Variants in TRIM16 observed in about 807,000 individuals in gnomAD.
TRIM16 encodes tripartite motif-containing protein 16.
TRIM16 carries 33 observed loss-of-function variants against 50.4 expected under a neutral mutation model. The ratio of observed to expected loss-of-function variants is 0.65; its 90% CI spans 0.50 to 0.88. TRIM16 has a LOEUF of 0.88. Ranked by LOEUF, TRIM16 falls within the 40% of genes least tolerant of loss-of-function variation. TRIM16 has a pLI of 0.00. For synonymous variants in TRIM16, 229 were observed against 270.7 expected (o/e 0.85, Z 1.51); for missense variants, 581 against 686.8 (o/e 0.85, Z 1.72).
intron 6 of TRIM16, among the ~76,000 whole-genome samples, chr17:15,663,570 T>C (rs1482194802): frequency 6.6e-6 from 1 of 152,208 alleles, no homozygotes; most frequent in Non-Finnish European, 1.5e-5. Context: ...CCAGTGACAC[T>C]GTTGAGCTGT....
rs1000752738 is a variant in TRIM16 at position 15,639,649 on chromosome 17, G to C, written c.615+3072C>G. Among the ~76,000 whole-genome samples the C allele has an allele frequency of 2.7e-4, 41 of 149,636 alleles. 1 individual carries two copies. The highest frequency in any genetic ancestry group is 9.9e-4 in the African/African-American group (40 of 40,464). ...GCCCTCACCCTTGGGAGGAGGAATA[G>C]TAGCACCTTAACCAGCTGCTCAGAA... On this transcript the variant is annotated intron_variant, in intron 8 of 11. Coordinates refer to ENST00000649191, the MANE Select transcript of TRIM16 (RefSeq NM_001348119.1).
At chr17:15,632,979 A>T in intron 9 of TRIM16, 1 of 212,280 alleles carries the variant, frequency 4.7e-6, no homozygotes, top group Non-Finnish European at 9.3e-6. Context: ...GGGACCAAAA[A>T]ATAAAGAACA....
intron 5 of TRIM16, 43 bp downstream of exon 5, chr17:15,677,532 G>T (rs1597676283): frequency 1.9e-6 from 2 of 1,034,130 alleles, no homozygotes; most frequent in Non-Finnish European, 2.3e-6. Flanking sequence ...GAAGGCAAAG[G>T]TATCCTGAAA....
chr17:15,644,991 T>G (rs1422612698), intron 7 of TRIM16, among the ~76,000 whole-genome samples: 1 of 152,096 alleles, frequency 6.6e-6, no homozygotes, highest in Non-Finnish European at 1.5e-5. Context: ...AATTTTTGTA[T>G]TTTTAGTAGA....
At chr17:15,632,808 T>C (rs1446388459) in intron 9 of TRIM16, 134 bp from the exon 10 acceptor site, 1 of 1,233,000 alleles carries the variant, frequency 8.1e-7, no homozygotes, top group Admixed American at 3.0e-5. Context: ...AAAGTACATG[T>C]GAAGTGTCAA....
chr17:15,668,664 C>T (rs1364178219), intron 6 of TRIM16, among the ~76,000 whole-genome samples: 3 of 152,134 alleles, frequency 2.0e-5, no homozygotes, highest in African/African-American at 7.2e-5. Context: ...CACATGAAAA[C>T]ACACCACCAA....
chr17:15,650,406 AAC>A (rs1273559672), intron 7 of TRIM16, among the ~76,000 whole-genome samples: 20 of 152,208 alleles, frequency 1.3e-4, no homozygotes, highest in African/African-American at 4.1e-4. Context: ...TTGTTCTAGA[AAC>A]AGTTTCCTTA....
chr17:15,677,661 T>C lies in TRIM16; in HGVS notation c.-529A>G, dbSNP rs1422377803. 1 of 1,036,232 alleles carries C rather than the reference T, an allele frequency of 9.7e-7. No individual in the cohort carries two copies. The allele number at this position is 1,036,232 out of a possible 1,614,324, so 64.2% of individuals were successfully genotyped here. A position where few individuals can be genotyped will look rare whatever the true frequency, so the allele number is the denominator to read the frequency against. ...AAGGTCCAGTTCTCTCCATTCTTCC[T>C]AGTGAAGTTCACAGCCACATCCTTG... On this transcript the variant is annotated 5_prime_UTR_variant, in exon 5 of 12. Transcript: ENST00000649191.
chr17:15,662,367 A>G (rs1988278914), intron 6 of TRIM16, among the ~76,000 whole-genome samples: 1 of 152,154 alleles, frequency 6.6e-6, no homozygotes, highest in South Asian at 2.1e-4. Context: ...GCTGCTCCTG[A>G]GTCCCTCCAG....
At chr17:15,663,329 T>C (rs1278622064) in intron 6 of TRIM16, among the ~76,000 whole-genome samples, 1 of 152,208 alleles carries the variant, frequency 6.6e-6, no homozygotes, top group Admixed American at 6.5e-5. Flanking sequence ...GAACACTAGA[T>C]ACTTATTTGT....
chr17:15,634,653 A>AC (rs2150900295), intron 9 of TRIM16, among the ~76,000 whole-genome samples: 1 of 144,504 alleles, frequency 6.9e-6, no homozygotes, highest in South Asian at 2.3e-4. Flanking sequence ...AAAACAAATA[A>AC]AAATAAAAAT....
intron 7 of TRIM16, among the ~76,000 whole-genome samples, chr17:15,650,766 T>A (rs1987650296): frequency 6.6e-6 from 1 of 152,120 alleles, no homozygotes; most frequent in South Asian, 2.1e-4. Flanking sequence ...CCACAACTTC[T>A]GCACCCTCCA....
chr17:15,679,587 C>T (rs1182017091), intron 4 of TRIM16, among the ~76,000 whole-genome samples: 1 of 152,166 alleles, frequency 6.6e-6, no homozygotes, highest in Non-Finnish European at 1.5e-5. Flanking sequence ...TTTAGCCGGC[C>T]TTAAGGTTAT....
At chr17:15,666,911 C>A (rs1988523563) in intron 6 of TRIM16, among the ~76,000 whole-genome samples, 4 of 152,246 alleles carry the variant, frequency 2.6e-5, no homozygotes, top group African/African-American at 9.7e-5. Flanking sequence ...ATTTAAAATG[C>A]ATCTCTTACG....
At chr17:15,670,553 G>A (rs1988682567) in intron 6 of TRIM16, among the ~76,000 whole-genome samples, 1 of 152,070 alleles carries the variant, frequency 6.6e-6, no homozygotes, top group South Asian at 2.1e-4. Context: ...AATAGCACGG[G>A]CATATCATTT....
rs558765410 is a variant in TRIM16 at position 15,647,816 on chromosome 17, T to TACACACACACACAC, written c.519+3261_519+3274dup. 8.3e-4 allele frequency among the ~76,000 whole-genome samples: 115 copies of TACACACACACACAC among 139,126 alleles called. 1 individual carries two copies. Among genetic ancestry groups the TACACACACACACAC allele is most frequent in the African/African-American group, 1.9e-3 (70 of 36,190 alleles). The allele number at this position is 139,126 out of a possible 152,430, so 91.3% of individuals were successfully genotyped here. Reference sequence around the variant, plus strand: ...AGTCATAGAAGGAGTCCAGATTTCATACACACACACACACACACACACACA... The same window carrying TACACACACACACAC: ...AGTCATAGAAGGAGTCCAGATTTCATACACACACACACACACACACACACACACACACACACACA... On this transcript the variant is annotated intron_variant, in intron 7 of 11. Transcript: ENST00000649191.
intron 7 of TRIM16, among the ~76,000 whole-genome samples, chr17:15,649,572 C>T (rs1008267581): frequency 2.0e-5 from 3 of 152,194 alleles, no homozygotes; most frequent in African/African-American, 4.8e-5. Flanking sequence ...AGGTGTCAGT[C>T]ACCGTGCCCG....
At chr17:15,665,523 T>TA (rs1038381417) in intron 6 of TRIM16, among the ~76,000 whole-genome samples, 13 of 148,352 alleles carry the variant, frequency 8.8e-5, no homozygotes, top group African/African-American at 2.0e-4. Context: ...ATAAAAAGAA[T>TA]AAAAAAAATA....
intron 4 of TRIM16, among the ~76,000 whole-genome samples, chr17:15,678,476 G>A (rs556859049): frequency 6.6e-6 from 1 of 152,240 alleles, no homozygotes; most frequent in African/African-American, 2.4e-5. Context: ...AGTGATGTGC[G>A]CCCTTTCCAG....
Sources: allele counts gnomAD v4.1 joint callset (sites outside exome capture counted in the v4.1 genomes callset), GRCh38; gene constraint gnomAD v4.1.1; transcripts MANE v1.5; gene names NCBI Gene and HGNC (gene_info 2026-07-23, HGNC 2026-07-21).